SHISA9: variants seen among roughly 807,000 people sequenced by gnomAD.
SHISA9 encodes the protein shisa family member 9, also known as protein shisa-9.
SHISA9 carries 13 observed loss-of-function variants against 38.0 expected under a neutral mutation model. That is an observed-to-expected ratio of 0.34 (90% CI 0.22 to 0.54). The LOEUF is 0.54. Ranked by LOEUF, SHISA9 falls within the 20% of genes least tolerant of loss-of-function variation. SHISA9 has a pLI of 0.91. For synonymous variants in SHISA9, 275 were observed against 242.0 expected (o/e 1.14, Z -1.27); for missense variants, 538 against 575.8 (o/e 0.93, Z 0.67).
chr16:13,162,278 G>C (rs1251313284), intron 2 of SHISA9, among the ~76,000 whole-genome samples: 2 of 152,080 alleles, frequency 1.3e-5, no homozygotes, highest in Non-Finnish European at 2.9e-5. Context: ...GAGACTTTGA[G>C]TTTTTAGGAT....
At chr16:13,336,398 T>C in the SHISA9 span, among the ~76,000 whole-genome samples, 1 of 152,202 alleles carries the variant, frequency 6.6e-6, no homozygotes, top group African/African-American at 2.4e-5. Context: ...GCACTGCAAT[T>C]TATATCAAAG....
chr16:13,428,765 G>GT, the SHISA9 span, among the ~76,000 whole-genome samples: 6 of 79,374 alleles, frequency 7.6e-5, no homozygotes, highest in African/African-American at 2.4e-4. Flanking sequence ...TTATTTTATT[G>GT]TTTTATTGTT....
intron 2 of SHISA9, among the ~76,000 whole-genome samples, chr16:13,044,226 A>G (rs766667060): frequency 3.9e-5 from 6 of 152,194 alleles, no homozygotes; most frequent in Non-Finnish European, 8.8e-5. Flanking sequence ...ACTTACAGAT[A>G]TCAGGTTGGT....
intron 2 of SHISA9, among the ~76,000 whole-genome samples, chr16:13,165,765 C>T (rs1441267372): frequency 6.6e-6 from 1 of 152,188 alleles, no homozygotes; most frequent in Non-Finnish European, 1.5e-5. Context: ...GTCCTTTCTG[C>T]TGTGTATTTA....
In SHISA9 at chr16:13,019,606, C is replaced by T. The variant is rs534223970; in HGVS notation, c.691+102791C>T. Among the ~76,000 whole-genome samples the T allele has an allele frequency of 5.9e-5, 9 of 152,018 alleles. No individual in the cohort carries two copies. In the South Asian group the frequency reaches 1.0e-3, roughly 18 times the overall value. On this transcript the variant is annotated intron_variant, in intron 2 of 4. Coordinates refer to ENST00000558583, the MANE Select transcript of SHISA9 (RefSeq NM_001145204.3). ...GCAACTGTCACCACTCTTCATTTCCCGGTCTTTTTTTTAAACTTTTAAGTT... is the reference window on the plus strand; with the variant it reads ...GCAACTGTCACCACTCTTCATTTCCTGGTCTTTTTTTTAAACTTTTAAGTT...
Position 13,201,834 on chromosome 16 carries a change from C to T in SHISA9, c.692-1560C>T, listed in dbSNP as rs915794073. 4.2e-5 allele frequency among the ~76,000 whole-genome samples: 5 copies of T among 120,364 alleles called. 1 individual carries two copies. Among genetic ancestry groups the T allele is most frequent in the Non-Finnish European group, 8.8e-5 (5 of 56,996 alleles). 79.0% of individuals were successfully genotyped at this position (120,364 alleles called of 152,430 possible). On this transcript the variant is annotated intron_variant, in intron 2 of 4. Transcript: ENST00000558583. Reference sequence around the variant, plus strand: ...GGCAGTGGCTCCTATCAGCCAAGAGCAATTCTCTGGGTATTGAAGGCAGCT... The same window carrying T: ...GGCAGTGGCTCCTATCAGCCAAGAGTAATTCTCTGGGTATTGAAGGCAGCT...
chr16:13,503,665 C>T, the SHISA9 span, among the ~76,000 whole-genome samples: 3 of 143,998 alleles, frequency 2.1e-5, no homozygotes, highest in Non-Finnish European at 4.5e-5. Context: ...ACAGGGCCAG[C>T]GTTCTTGATG....
the SHISA9 span, among the ~76,000 whole-genome samples, chr16:13,490,454 C>T: frequency 6.6e-6 from 1 of 152,026 alleles, no homozygotes; most frequent in African/African-American, 2.4e-5. Flanking sequence ...AGTCTCAGCT[C>T]CTTGGGAGGA....
chr16:12,992,517 G>C (rs560155741), intron 2 of SHISA9, among the ~76,000 whole-genome samples: 31 of 152,170 alleles, frequency 2.0e-4, no homozygotes, highest in African/African-American at 7.5e-4. Context: ...GGGCGACAGA[G>C]TAAGACTCTG....
At chr16:13,034,794 T>G (rs758037445) in intron 2 of SHISA9, among the ~76,000 whole-genome samples, 3 of 152,202 alleles carry the variant, frequency 2.0e-5, no homozygotes, top group Non-Finnish European at 4.4e-5. Context: ...CCTCTGCCAT[T>G]GCCAAGACTA....
intron 2 of SHISA9, among the ~76,000 whole-genome samples, chr16:12,955,828 C>T (rs868549776): frequency 3.3e-5 from 5 of 152,082 alleles, no homozygotes; most frequent in African/African-American, 1.2e-4. Flanking sequence ...AGGGAAAACT[C>T]TTCTGGACAT....
At chr16:13,394,967 G>C in the SHISA9 span, among the ~76,000 whole-genome samples, 1 of 151,140 alleles carries the variant, frequency 6.6e-6, no homozygotes, top group African/African-American at 2.4e-5. Flanking sequence ...GTGTGTGTGT[G>C]TGGCTGTTTG....
the SHISA9 span, among the ~76,000 whole-genome samples, chr16:13,483,944 A>T: frequency 6.6e-6 from 1 of 152,134 alleles, no homozygotes; most frequent in East Asian, 1.9e-4. Flanking sequence ...TGCTCCAGTA[A>T]ATTAGTTAGA....
At chr16:13,469,069 C>T in the SHISA9 span, among the ~76,000 whole-genome samples, 1 of 151,150 alleles carries the variant, frequency 6.6e-6, no homozygotes, top group African/African-American at 2.4e-5. Context: ...TGGTGAAACC[C>T]CATCTCTACT....
chr16:13,367,611 T>C, the SHISA9 span, among the ~76,000 whole-genome samples: 1 of 143,826 alleles, frequency 7.0e-6, no homozygotes, highest in South Asian at 2.3e-4. Flanking sequence ...AATGAAAACT[T>C]AACTCCTAAT....
chr16:13,222,184 C>G (rs1301531313), intron 4 of SHISA9, among the ~76,000 whole-genome samples: 1 of 151,978 alleles, frequency 6.6e-6, no homozygotes, highest in African/African-American at 2.4e-5. Context: ...TACCTCCCAC[C>G]AGGTCCCTCC....
At chr16:13,331,564 T>A in the SHISA9 span, 2 of 152,168 alleles carry the variant, frequency 1.3e-5, no homozygotes, top group African/African-American at 4.8e-5. Flanking sequence ...GTGTGTTAAT[T>A]TTTTTTAAAG....
chr16:13,106,772 C>T (rs546757129), intron 2 of SHISA9, among the ~76,000 whole-genome samples: 20 of 152,106 alleles, frequency 1.3e-4, no homozygotes, highest in Non-Finnish European at 2.6e-4. Flanking sequence ...TTACATCCTT[C>T]TGAGATGATA....
At chr16:13,525,939 G>A in the SHISA9 span, among the ~76,000 whole-genome samples, 3 of 152,350 alleles carry the variant, frequency 2.0e-5, no homozygotes, top group East Asian at 5.8e-4. Flanking sequence ...AGCAAATGGT[G>A]ACATCAAGGT....
Sources: gnomAD v4.1 joint callset for allele counts (sites outside exome capture counted in the v4.1 genomes callset) on GRCh38, gnomAD v4.1.1 for gene constraint, MANE v1.5 for transcripts, NCBI Gene and HGNC (gene_info 2026-07-23, HGNC 2026-07-21) for gene names.